Variants in IGF1R observed in about 807,000 individuals in gnomAD.
IGF1R encodes the protein insulin-like growth factor 1 receptor.
A neutral mutation model predicts 144.6 loss-of-function variants in IGF1R; 44 were observed. That is an observed-to-expected ratio of 0.30 (90% CI 0.24 to 0.39). IGF1R has a LOEUF of 0.39. Ranked by LOEUF, IGF1R falls within the 10% of genes least tolerant of loss-of-function variation. IGF1R has a pLI of 1.00. For synonymous variants in IGF1R, 795 were observed against 722.8 expected (o/e 1.10, Z -1.60); for missense variants, 1,355 against 1,833.7 (o/e 0.74, Z 4.77).
rs192362795 is a variant in IGF1R, at chr15:98,961,300, C to T, written c.*3858C>T. 25 of 233,434 alleles carry T rather than the reference C, an allele frequency of 1.1e-4. No homozygotes were observed. The highest frequency in any genetic ancestry group is 3.7e-4 in the African/African-American group (17 of 45,422). The allele number at this position is 233,434 out of a possible 1,614,324, so 14.5% of individuals were successfully genotyped here. On this transcript the variant is annotated 3_prime_UTR_variant, in exon 21 of 21. Transcript: ENST00000650285. ...TTATAAGGGTTTTGTTTAAACTGTC[C>T]GAGTTACTGATGTCATTTTGTTTTT...
At chr15:98,738,169 A>T (rs1443021096) in intron 2 of IGF1R, among the ~76,000 whole-genome samples, 1 of 152,182 alleles carries the variant, frequency 6.6e-6, no homozygotes, top group Non-Finnish European at 1.5e-5. Flanking sequence ...GTTACCCTTT[A>T]CCGGGGTAAA....
intron 2 of IGF1R, among the ~76,000 whole-genome samples, chr15:98,748,311 C>G (rs2141328267): frequency 6.6e-6 from 1 of 152,278 alleles, no homozygotes; most frequent in Non-Finnish European, 1.5e-5. Flanking sequence ...GAACTACAGG[C>G]ATAAGCCACC....
intron 7 of IGF1R, 98 bp downstream of exon 7, chr15:98,911,539 G>A: frequency 1.3e-6 from 2 of 1,505,910 alleles, no homozygotes; most frequent in East Asian, 2.3e-5. Flanking sequence ...AATACAGGGG[G>A]TCAGCAGAGT....
intron 2 of IGF1R, among the ~76,000 whole-genome samples, chr15:98,804,457 G>A (rs2056429370): frequency 6.8e-6 from 1 of 146,250 alleles, no homozygotes; most frequent in Admixed American, 6.7e-5. Context: ...CATGACTTTT[G>A]TTTTTGTTTT....
At chr15:98,939,535 G>A (rs2032194917) in intron 18 of IGF1R, among the ~76,000 whole-genome samples, 175 bp downstream of exon 18, 1 of 152,146 alleles carries the variant, frequency 6.6e-6, no homozygotes, top group Admixed American at 6.5e-5. Flanking sequence ...GGCACGGTCG[G>A]TCCCAATGCT....
At chr15:98,826,969 CTT>C (rs767669634) in intron 2 of IGF1R, among the ~76,000 whole-genome samples, 3 of 152,298 alleles carry the variant, frequency 2.0e-5, no homozygotes, top group Admixed American at 6.5e-5. Flanking sequence ...GGATTAGACT[CTT>C]TTCATATCCC....
intron 11 of IGF1R, 150 bp from the exon 12 acceptor site, chr15:98,923,726 C>A: frequency 1.4e-6 from 1 of 691,610 alleles, no homozygotes. Flanking sequence ...CTGTCCTGCC[C>A]GCGTGGATGG....
At chr15:98,916,354 C>T (rs1271480614) in intron 9 of IGF1R, 1 of 569,770 alleles carries the variant, frequency 1.8e-6, no homozygotes. Flanking sequence ...TTCTGCCTCC[C>T]AGGTTCAAGC....
chr15:98,800,261 T>C lies in IGF1R; in HGVS notation c.641-91064T>C, dbSNP rs74034214. Among the ~76,000 whole-genome samples the C allele has an allele frequency of 8.7e-3, 1,332 of 152,252 alleles. 29 individuals are homozygous for C. Among genetic ancestry groups the C allele is most frequent in the African/African-American group, 0.031 (1,290 of 41,544 alleles). On this transcript the variant is annotated intron_variant, in intron 2 of 20. Coordinates refer to ENST00000650285, the MANE Select transcript of IGF1R (RefSeq NM_000875.5). ...GAGACAGTGCTTCATCCTGCCTGGA[T>C]GAAGCATGTTGGTTGTTGGTTTATT... is the stretch of plus-strand genomic sequence containing the variant.
chr15:98,782,771 C>A (rs1174218396), intron 2 of IGF1R, among the ~76,000 whole-genome samples: 2 of 152,110 alleles, frequency 1.3e-5, no homozygotes, highest in African/African-American at 2.4e-5. Context: ...GAAAGTTGCT[C>A]AATAATAGAC....
intron 2 of IGF1R, among the ~76,000 whole-genome samples, chr15:98,756,803 C>T (rs2055166998): frequency 6.6e-6 from 1 of 152,002 alleles, no homozygotes; most frequent in Admixed American, 6.5e-5. Context: ...GACAGTTGAT[C>T]TCCTTTTTGT....
chr15:98,694,533 CAG>C (rs1476775501), intron 1 of IGF1R, among the ~76,000 whole-genome samples: 13 of 151,942 alleles, frequency 8.6e-5, no homozygotes, highest in Non-Finnish European at 1.8e-4. Context: ...GGGCCAGACT[CAG>C]GGTGGGGGGG....
intron 2 of IGF1R, among the ~76,000 whole-genome samples, chr15:98,817,982 G>A (rs2056729873): frequency 6.6e-6 from 1 of 152,212 alleles, no homozygotes; most frequent in African/African-American, 2.4e-5. Flanking sequence ...TCTGGTTCTA[G>A]TGAGGGCTCT....
chr15:98,936,791 C>G (rs968739203), intron 17 of IGF1R, among the ~76,000 whole-genome samples: 6 of 152,032 alleles, frequency 3.9e-5, no homozygotes, highest in African/African-American at 1.5e-4. Context: ...AAACTCCCAC[C>G]CTCTGTTCTG....
chr15:98,802,086 A>G (rs938853691), intron 2 of IGF1R, among the ~76,000 whole-genome samples: 13 of 151,978 alleles, frequency 8.6e-5, no homozygotes, highest in African/African-American at 2.9e-4. Context: ...CTTGAGTGCC[A>G]CATCTGGGCT....
chr15:98,914,791 C>T (rs774313515), intron 8 of IGF1R, among the ~76,000 whole-genome samples: 7 of 152,284 alleles, frequency 4.6e-5, no homozygotes, highest in East Asian at 3.9e-4. Context: ...CGGAGACAGA[C>T]GAGAACTTGG....
intron 15 of IGF1R, 42 bp from the exon 16 acceptor site, chr15:98,934,782 G>T: frequency 6.4e-7 from 1 of 1,555,672 alleles, no homozygotes; most frequent in Non-Finnish European, 8.9e-7. Flanking sequence ...TCTGTCTAAG[G>T]GCTTGTTTCT....
In IGF1R at chr15:98,891,623, C is replaced by T. The variant is rs915169594; in HGVS notation, c.939C>T (p.Arg313=). The part of the protein sequence containing the change: ...CMQECPSGFI[R]NGSQSMYCIP... The stretch of plus-strand genomic sequence containing the variant: ...AGGAGTGCCCCTCGGGCTTCATCCG[C>T]AACGGCAGCCAGAGGTCAGTCGCGG... The change falls in exon 3 of 21, where the codon CGC becomes CGT. Residue 313 remains arginine (R), a synonymous_variant. Coordinates refer to ENST00000650285, the MANE Select transcript of IGF1R (RefSeq NM_000875.5). The surrounding 1 kb of genome is among the most constrained non-coding windows in gnomAD (Gnocchi z 4.7). 4 of 1,600,908 alleles carry T rather than the reference C, an allele frequency of 2.5e-6. No individual in the cohort carries two copies. Among genetic ancestry groups the T allele is most frequent in the African/African-American group, 2.7e-5 (2 of 74,936 alleles).
At chr15:98,694,370 C>T (rs1304320407) in intron 1 of IGF1R, among the ~76,000 whole-genome samples, 1 of 152,174 alleles carries the variant, frequency 6.6e-6, no homozygotes. Flanking sequence ...GCCTGTCAAC[C>T]CTTCAGAGAA....
Sources: gnomAD v4.1 joint callset for allele counts (sites outside exome capture counted in the v4.1 genomes callset) on GRCh38, gnomAD v4.1.1 for gene constraint, Gnocchi (gnomAD v3.1) non-coding constraint, MANE v1.5 for transcripts, NCBI Gene and HGNC (gene_info 2026-07-23, HGNC 2026-07-21) for gene names.